The following ZEB1 variants were observed in gnomAD, a reference collection of about 807,000 sequenced individuals.
ZEB1 encodes the protein zinc finger E-box binding homeobox 1.
ZEB1 carries 21 observed loss-of-function variants against 84.9 expected under a neutral mutation model. That is an observed-to-expected ratio of 0.25 (90% CI 0.18 to 0.36). The LOEUF is 0.36. Among genes scored for constraint, ZEB1 ranks in the 10% least tolerant of loss-of-function variants. The pLI is 1.00. For synonymous variants in ZEB1, 420 were observed against 471.1 expected (o/e 0.89, Z 1.41); for missense variants, 1,104 against 1,330.2 (o/e 0.83, Z 2.65).
rs568259805 is a variant in ZEB1 at position 31,395,759 on chromosome 10, G to GT, written c.59-65276dup. ...CTCTTTTCGATGCTGCCTGGGACTA[G>GT]TTATACTTGTGGAAAATTTTATGTG... On this transcript the variant is annotated intron_variant, in intron 1 of 8. Coordinates refer to ENST00000424869, the MANE Select transcript of ZEB1 (RefSeq NM_001174096.2). Among the ~76,000 whole-genome samples, 17 of 152,272 alleles carry GT rather than the reference G, an allele frequency of 1.1e-4. No individual in the cohort carries two copies. The East Asian group carries it at 3.3e-3, about 29-fold the overall frequency.
chr10:31,488,512 TCTCA>T (rs754329447), intron 2 of ZEB1, among the ~76,000 whole-genome samples: 7 of 148,464 alleles, frequency 4.7e-5, no homozygotes, highest in Admixed American at 1.3e-4. Context: ...CAGCTTTTTG[TCTCA>T]CTGTTTTTTT....
intron 1 of ZEB1, among the ~76,000 whole-genome samples, chr10:31,435,160 G>C (rs1034385145): frequency 3.9e-5 from 6 of 152,206 alleles, no homozygotes; most frequent in Non-Finnish European, 8.8e-5. Context: ...GATGCGACAT[G>C]AGAAAGTTTC....
intron 1 of ZEB1, among the ~76,000 whole-genome samples, chr10:31,405,319 A>G (rs943246073): frequency 2.0e-5 from 3 of 152,214 alleles, no homozygotes; most frequent in African/African-American, 7.2e-5. Context: ...TCAAACTTCC[A>G]ATAGACTTTA....
At chr10:31,354,922 T>C (rs376340122) in intron 1 of ZEB1, among the ~76,000 whole-genome samples, 9 of 152,310 alleles carry the variant, frequency 5.9e-5, no homozygotes, top group African/African-American at 2.2e-4. Flanking sequence ...TGCTGATAAG[T>C]GAACAGAAGG....
chr10:31,472,954 A>C (rs1230197163), intron 2 of ZEB1, among the ~76,000 whole-genome samples: 1 of 127,658 alleles, frequency 7.8e-6, no homozygotes, highest in Non-Finnish European at 1.5e-5. Flanking sequence ...CCAAAGACAA[A>C]AACCACATGA....
At chr10:31,483,048 G>C (rs1197589427) in intron 2 of ZEB1, among the ~76,000 whole-genome samples, 1 of 151,986 alleles carries the variant, frequency 6.6e-6, no homozygotes, top group East Asian at 1.9e-4. Context: ...GGATAAATCA[G>C]GCTAATTCTG....
intron 1 of ZEB1, chr10:31,321,939 T>C (rs975612256): frequency 9.5e-5 from 23 of 242,514 alleles, no homozygotes; most frequent in African/African-American, 4.5e-4. Context: ...GAGGGATTTA[T>C]TTACCACGCT....
chr10:31,524,840 A>G (rs2073114028), intron 8 of ZEB1, among the ~76,000 whole-genome samples: 1 of 152,112 alleles, frequency 6.6e-6, no homozygotes, highest in Non-Finnish European at 1.5e-5. Flanking sequence ...CTGTCCTGGC[A>G]AGTCAAGATC....
chr10:31,328,439 A>G (rs1408933127), intron 1 of ZEB1, among the ~76,000 whole-genome samples: 1 of 152,204 alleles, frequency 6.6e-6, no homozygotes, highest in African/African-American at 2.4e-5. Flanking sequence ...ACACATGTTC[A>G]TTTAAAATTT....
chr10:31,514,346 G>C (rs1304767184), intron 5 of ZEB1, among the ~76,000 whole-genome samples: 1 of 151,998 alleles, frequency 6.6e-6, no homozygotes, highest in Non-Finnish European at 1.5e-5. Context: ...TAGAAAGTTG[G>C]TATTTTTCTG....
In ZEB1 at chr10:31,471,055, T is replaced by C. The variant is rs2063170831; in HGVS notation, c.259+9818T>C. ...AGCAGGCCTGCCCTAAAAGAGCTCCTGAAGGAAGCACTAAACATGGAAAGG... is the reference window on the plus strand; with the variant it reads ...AGCAGGCCTGCCCTAAAAGAGCTCCCGAAGGAAGCACTAAACATGGAAAGG... On this transcript the variant is annotated intron_variant, in intron 2 of 8. Transcript: ENST00000424869. 2.3e-5 allele frequency among the ~76,000 whole-genome samples: 3 copies of C among 129,168 alleles called. No homozygotes were observed. The Admixed American group carries it at 2.4e-4, about 10-fold the overall frequency. The allele number at this position is 129,168 out of a possible 152,430, so 84.7% of individuals were successfully genotyped here.
chr10:31,414,286 ACT>A (rs1214134344), intron 1 of ZEB1, among the ~76,000 whole-genome samples: 6 of 152,282 alleles, frequency 3.9e-5, no homozygotes, highest in South Asian at 4.1e-4. Flanking sequence ...GGTAATAATA[ACT>A]CTACTGAATA....
intron 1 of ZEB1, among the ~76,000 whole-genome samples, chr10:31,414,551 T>A (rs535962022): frequency 2.6e-5 from 4 of 152,324 alleles, no homozygotes; most frequent in Admixed American, 2.6e-4. Context: ...ATGCAACTGA[T>A]TATAGTTCTA....
At chr10:31,450,752 G>C (rs530173141) in intron 1 of ZEB1, among the ~76,000 whole-genome samples, 2 of 151,800 alleles carry the variant, frequency 1.3e-5, no homozygotes, top group Non-Finnish European at 2.9e-5. Flanking sequence ...TATAGATGTC[G>C]TTTGTCCTTT....
intron 1 of ZEB1, among the ~76,000 whole-genome samples, chr10:31,415,434 G>A (rs2055048081): frequency 6.6e-6 from 1 of 151,994 alleles, no homozygotes; most frequent in Admixed American, 6.6e-5. Flanking sequence ...TTATCTATGG[G>A]TGGTGGAATC....
At chr10:31,506,836 CT>C (rs2069062980) in intron 4 of ZEB1, among the ~76,000 whole-genome samples, 1 of 152,044 alleles carries the variant, frequency 6.6e-6, no homozygotes, top group Non-Finnish European at 1.5e-5. Flanking sequence ...TCCTTTCTTT[CT>C]TACTGATTAT....
intron 1 of ZEB1, among the ~76,000 whole-genome samples, chr10:31,392,505 A>T (rs1285760266): frequency 6.6e-6 from 1 of 152,126 alleles, no homozygotes; most frequent in East Asian, 1.9e-4. Context: ...TTTGATCATA[A>T]GATGCTTTTA....
At chr10:31,429,737 T>TA (rs1211122557) in intron 1 of ZEB1, among the ~76,000 whole-genome samples, 195 of 135,484 alleles carry the variant, frequency 1.4e-3, no homozygotes, top group African/African-American at 4.5e-3. Flanking sequence ...GCAGAACTTT[T>TA]TTTTTTTTTT....
At chr10:31,446,201 C>G (rs893508421) in intron 1 of ZEB1, among the ~76,000 whole-genome samples, 1 of 152,196 alleles carries the variant, frequency 6.6e-6, no homozygotes, top group South Asian at 2.1e-4. Context: ...AGTTTATTTG[C>G]ATAGAGCTGT....
Sources: allele counts gnomAD v4.1 joint callset (sites outside exome capture counted in the v4.1 genomes callset), GRCh38; gene constraint gnomAD v4.1.1; transcripts MANE v1.5; gene names NCBI Gene and HGNC (gene_info 2026-07-23, HGNC 2026-07-21).